COL4A5: variants seen among roughly 807,000 people sequenced by gnomAD.
The protein encoded by COL4A5 is collagen alpha-5(IV) chain.
A neutral mutation model predicts 130.2 loss-of-function variants in COL4A5; 26 were observed. That is an observed-to-expected ratio of 0.20 (90% CI 0.15 to 0.28). COL4A5 has a LOEUF of 0.28. Ranked by LOEUF, COL4A5 falls within the 10% of genes least tolerant of loss-of-function variation. COL4A5 has a pLI of 1.00. For missense variants in COL4A5, 1,131 were observed against 1,344.3 expected (o/e 0.84, Z 2.48); for synonymous variants, 496 against 439.6 (o/e 1.13, Z -1.60).
intron 1 of COL4A5, among the ~76,000 whole-genome samples, chrX:108,529,132 C>G (rs931979457): frequency 9.0e-6 from 1 of 111,687 alleles, no homozygotes; most frequent in African/African-American, 3.3e-5. Context: ...CAGAACCTTA[C>G]AGGCCAGAAG....
At chrX:108,574,737 C>T (rs913348251) in intron 9 of COL4A5, among the ~76,000 whole-genome samples, 1 of 111,373 alleles carries the variant, frequency 9.0e-6, no homozygotes, top group African/African-American at 3.3e-5. Context: ...TATAACTTTC[C>T]ATTTGTGGAC....
intron 1 of COL4A5, among the ~76,000 whole-genome samples, chrX:108,498,736 C>T (rs1005100150): frequency 3.6e-5 from 4 of 111,520 alleles, no homozygotes; most frequent in Non-Finnish European, 7.6e-5. Context: ...ACATCTTTCA[C>T]TAATTTTATC....
intron 1 of COL4A5, among the ~76,000 whole-genome samples, chrX:108,479,055 C>T (rs750581194): frequency 8.9e-6 from 1 of 112,254 alleles, no homozygotes; most frequent in Admixed American, 9.3e-5. Flanking sequence ...TCCACCCCTG[C>T]CACCATGGCC....
chrX:108,543,653 T>C (rs1382356299), intron 2 of COL4A5, among the ~76,000 whole-genome samples: 1 of 111,609 alleles, frequency 9.0e-6, no homozygotes, highest in Non-Finnish European at 1.9e-5. Context: ...AGAAAGTCAT[T>C]GGTAGCTTGA....
intron 32 of COL4A5, 120 bp from the exon 33 acceptor site, chrX:108,622,556 C>T: frequency 2.8e-6 from 2 of 704,428 alleles, no homozygotes; most frequent in Non-Finnish European, 4.5e-6. Flanking sequence ...ATCCAAGGTG[C>T]ATAAATGTTT....
chrX:108,632,204 A>G lies in COL4A5; in HGVS notation c.3246+5855A>G, dbSNP rs757041840. 5.6e-3 allele frequency among the ~76,000 whole-genome samples: 623 copies of G among 111,850 alleles called. 3 individuals are homozygous for G. Among genetic ancestry groups the G allele is most frequent in the African/African-American group, 0.019 (582 of 30,783 alleles). On this transcript the variant is annotated intron_variant, in intron 36 of 52. Coordinates refer to ENST00000328300, the MANE Select transcript of COL4A5 (RefSeq NM_033380.3). ...ATCAGAGAATACTATAAACACCTCT[A>G]TGCAAATAAACTAGAAAATCTAGGA...
intron 4 of COL4A5, among the ~76,000 whole-genome samples, chrX:108,565,297 T>G (rs2065951123): frequency 8.9e-6 from 1 of 111,794 alleles, no homozygotes; most frequent in South Asian, 3.8e-4. Context: ...CTGATAAATG[T>G]ATACAAATGT....
At chrX:108,636,057 C>T (rs986339769) in intron 36 of COL4A5, among the ~76,000 whole-genome samples, 2 of 111,574 alleles carry the variant, frequency 1.8e-5, no homozygotes, top group African/African-American at 3.3e-5. Context: ...ATTAGAAGCC[C>T]AAACATCAAC....
rs780837804 is a variant in COL4A5, at chrX:108,638,385, T to TA, written c.3246+12043dup. ...ACAAAATTCAACACTGTTTCATGAT[T>TA]AAAAAAACACACCACAAGCTAGGAA... On this transcript the variant is annotated intron_variant, in intron 36 of 52. Coordinates refer to ENST00000328300, the MANE Select transcript of COL4A5 (RefSeq NM_033380.3). Among the ~76,000 whole-genome samples the TA allele has an allele frequency of 1.1e-4, 12 of 110,899 alleles. No homozygotes were observed. In the South Asian group the frequency reaches 4.6e-3, roughly 43 times the overall value.
intron 36 of COL4A5, among the ~76,000 whole-genome samples, chrX:108,631,141 CT>C (rs1172739713): frequency 9.0e-6 from 1 of 111,673 alleles, no homozygotes; most frequent in Non-Finnish European, 1.9e-5. Context: ...AATGTGGGCT[CT>C]TTTTTGGTTC....
intron 47 of COL4A5, among the ~76,000 whole-genome samples, chrX:108,685,231 C>T (rs757545972): frequency 3.6e-5 from 4 of 112,045 alleles, no homozygotes; most frequent in Non-Finnish European, 7.5e-5. Context: ...CTATGCAGAT[C>T]ATTCTTTTAA....
intron 2 of COL4A5, among the ~76,000 whole-genome samples, chrX:108,547,569 A>C (rs1268817584): frequency 8.9e-6 from 1 of 111,951 alleles, no homozygotes. Context: ...GACCCACTTG[A>C]GGAGGCAGTC....
chrX:108,639,334 A>G (rs891260040), intron 36 of COL4A5, among the ~76,000 whole-genome samples: 1 of 111,252 alleles, frequency 9.0e-6, no homozygotes, highest in African/African-American at 3.3e-5. Context: ...CCATATGCAG[A>G]AGAATGGAGT....
chrX:108,693,650 C>T (rs913056554), intron 50 of COL4A5: 3 of 111,994 alleles, frequency 2.7e-5, no homozygotes, highest in African/African-American at 9.8e-5. Context: ...AAGGGTATTG[C>T]TATAGCCCTG....
intron 46 of COL4A5, among the ~76,000 whole-genome samples, chrX:108,681,281 A>T (rs2068423566): frequency 9.0e-6 from 1 of 111,009 alleles, no homozygotes; most frequent in South Asian, 3.8e-4. Flanking sequence ...AATATTTTCG[A>T]TATTAAAATA....
chrX:108,666,106 T>G (rs906170745), intron 38 of COL4A5, among the ~76,000 whole-genome samples: 10 of 111,133 alleles, frequency 9.0e-5, no homozygotes, highest in Non-Finnish European at 1.9e-4. Flanking sequence ...GGCCCACTTT[T>G]TCCAGGGAGA....
At chrX:108,664,133 C>T (rs1401767053) in intron 37 of COL4A5, among the ~76,000 whole-genome samples, 6 of 111,123 alleles carry the variant, frequency 5.4e-5, no homozygotes, top group African/African-American at 1.6e-4. Context: ...TGCAGTGAGC[C>T]GTGATCGCGC....
At chrX:108,531,668 T>C (rs1170735388) in intron 1 of COL4A5, among the ~76,000 whole-genome samples, 3 of 110,829 alleles carry the variant, frequency 2.7e-5, no homozygotes, top group African/African-American at 6.5e-5. Flanking sequence ...GTAAAACTGC[T>C]TCTTTGAAAA....
At chrX:108,566,771 G>A (rs1410130119) in intron 4 of COL4A5, among the ~76,000 whole-genome samples, 2 of 110,508 alleles carry the variant, frequency 1.8e-5, no homozygotes, top group African/African-American at 6.6e-5. Context: ...TGATGGTCTG[G>A]ATCTCCTGAC....
Sources: gnomAD v4.1 joint callset for allele counts (sites outside exome capture counted in the v4.1 genomes callset) on GRCh38, gnomAD v4.1.1 for gene constraint, MANE v1.5 for transcripts, NCBI Gene and HGNC (gene_info 2026-07-23, HGNC 2026-07-21) for gene names.